The following ITK variants were observed in gnomAD, a reference collection of about 807,000 sequenced individuals.
ITK encodes the protein IL2 inducible T cell kinase, also known as tyrosine-protein kinase ITK/TSK.
In ITK, 45 loss-of-function variants were observed where a neutral mutation model predicts 87.6. The ratio of observed to expected loss-of-function variants is 0.51; its 90% CI spans 0.40 to 0.66. The LOEUF (loss-of-function observed/expected upper bound fraction) is 0.66. Among genes scored for constraint, ITK ranks in the 30% least tolerant of loss-of-function variants. The pLI, the probability that ITK is intolerant of heterozygous loss-of-function variation, is 0.00. For synonymous variants in ITK, 303 were observed against 273.6 expected (o/e 1.11, Z -1.06); for missense variants, 605 against 766.3 (o/e 0.79, Z 2.48).
intron 1 of ITK, chr5:157,199,803 G>A (rs1328010259): frequency 6.6e-6 from 1 of 152,166 alleles, no homozygotes; most frequent in Non-Finnish European, 1.5e-5. Context: ...TTCAAAAATA[G>A]TATCATTTTC....
intron 1 of ITK, among the ~76,000 whole-genome samples, chr5:157,193,157 G>A (rs556375922): frequency 2.6e-5 from 4 of 152,282 alleles, no homozygotes; most frequent in Admixed American, 1.3e-4. Context: ...GGAGTTTAAG[G>A]TTGCAGTGAG....
chr5:157,194,083 G>A (rs969201056), intron 1 of ITK, among the ~76,000 whole-genome samples: 10 of 152,126 alleles, frequency 6.6e-5, no homozygotes, highest in East Asian at 1.9e-4. Context: ...GCATGCCTTA[G>A]GACATAAGGA....
intron 1 of ITK, among the ~76,000 whole-genome samples, chr5:157,182,744 GT>G (rs1753562665): frequency 6.6e-6 from 1 of 152,090 alleles, no homozygotes; most frequent in Non-Finnish European, 1.5e-5. Flanking sequence ...CCATTTTGCA[GT>G]TTTCACCAGT....
intron 1 of ITK, among the ~76,000 whole-genome samples, chr5:157,202,936 C>T (rs1334583463): frequency 1.3e-5 from 2 of 152,158 alleles, no homozygotes; most frequent in Admixed American, 6.5e-5. Context: ...CCACTGTCTG[C>T]CCTCATCACA....
At chr5:157,195,138 G>GT (rs1428611910) in intron 1 of ITK, 2 of 152,154 alleles carry the variant, frequency 1.3e-5, no homozygotes, top group African/African-American at 4.8e-5. Context: ...AGGCCCCCAC[G>GT]TTCTGCCAGA....
chr5:157,247,052 T>C (rs964163265), intron 15 of ITK, among the ~76,000 whole-genome samples: 1 of 152,210 alleles, frequency 6.6e-6, no homozygotes, highest in Non-Finnish European at 1.5e-5. Flanking sequence ...AATTATACTG[T>C]GGACAGAAAC....
intron 12 of ITK, 69 bp downstream of exon 12, chr5:157,243,863 A>C: frequency 7.0e-7 from 1 of 1,434,886 alleles, no homozygotes; most frequent in Non-Finnish European, 9.8e-7. Context: ...TTGAAATGCC[A>C]TTCAAACGCC....
chr5:157,240,554 A>G (rs147903722), intron 10 of ITK: 6 of 343,362 alleles, frequency 1.7e-5, no homozygotes, highest in African/African-American at 1.1e-4. Flanking sequence ...ATTGCTATCA[A>G]GGAATACCTG....
intron 11 of ITK, 141 bp from the exon 12 acceptor site, chr5:157,243,482 G>A (rs2113774360): frequency 1.3e-6 from 1 of 760,350 alleles, no homozygotes; most frequent in Non-Finnish European, 2.4e-6. Context: ...TATTATGTGG[G>A]AAAAAGATAA....
At chr5:157,205,477 T>A (rs896364169) in intron 1 of ITK, among the ~76,000 whole-genome samples, 4 of 152,246 alleles carry the variant, frequency 2.6e-5, no homozygotes, top group African/African-American at 7.2e-5. Flanking sequence ...AAAACTTTTT[T>A]AAAAGACATT....
At chr5:157,248,706 A>G (rs1404276928) in intron 15 of ITK, 144 bp from the exon 16 acceptor site, 1 of 913,170 alleles carries the variant, frequency 1.1e-6, no homozygotes, top group Non-Finnish European at 1.8e-6. Flanking sequence ...GACAGGCCTA[A>G]TAAGCCTCAG....
chr5:157,211,195 C>A, intron 2 of ITK, 92 bp from the exon 3 acceptor site: 1 of 1,025,426 alleles, frequency 9.8e-7, no homozygotes, highest in Non-Finnish European at 1.5e-6. Context: ...ACGATAAACA[C>A]CCGAGACCCC....
intron 1 of ITK, among the ~76,000 whole-genome samples, chr5:157,198,498 T>C (rs1753895080): frequency 6.6e-6 from 1 of 152,126 alleles, no homozygotes. Context: ...GGGCCAGTGA[T>C]GAGTAAGAGG....
intron 1 of ITK, among the ~76,000 whole-genome samples, chr5:157,198,205 T>G (rs1162947475): frequency 6.6e-6 from 1 of 152,070 alleles, no homozygotes; most frequent in Non-Finnish European, 1.5e-5. Context: ...AGGTATCTGC[T>G]CTTCATAGTT....
In ITK at chr5:157,249,906, T is replaced by C. The variant is rs1056829713; in HGVS notation, c.1791+899T>C. ...TGGCTGACATTCAGTTGGCACTTTT[T>C]CCCTCTTTTAACCATCATTTATTGA... On this transcript the variant is annotated intron_variant, in intron 16 of 16. Coordinates refer to ENST00000422843, the MANE Select transcript of ITK (RefSeq NM_005546.4). Among the ~76,000 whole-genome samples, 86 of 152,326 alleles carry C rather than the reference T, an allele frequency of 5.6e-4. No individual in the cohort carries two copies. The Middle Eastern group carries it at 0.01, about 18-fold the overall frequency.
chr5:157,213,169 C>A (rs1754225961), intron 3 of ITK, among the ~76,000 whole-genome samples: 1 of 152,128 alleles, frequency 6.6e-6, no homozygotes, highest in South Asian at 2.1e-4. Flanking sequence ...GAGGCAATCA[C>A]CTTATTCACA....
intron 13 of ITK, 65 bp from the exon 14 acceptor site, chr5:157,245,661 C>A: frequency 7.9e-7 from 1 of 1,269,178 alleles, no homozygotes; most frequent in Non-Finnish European, 1.2e-6. Flanking sequence ...ATAGGAGACT[C>A]CTTAACTACT....
intron 1 of ITK, among the ~76,000 whole-genome samples, chr5:157,192,554 C>G (rs1438600104): frequency 2.0e-5 from 3 of 152,264 alleles, no homozygotes; most frequent in Admixed American, 6.5e-5. Context: ...ATTCTTTACT[C>G]TCTCTGGGAT....
chr5:157,251,361 G>A (rs1319698722), intron 16 of ITK, among the ~76,000 whole-genome samples: 1 of 152,094 alleles, frequency 6.6e-6, no homozygotes, highest in African/African-American at 2.4e-5. Context: ...TTTACTTATT[G>A]TTGAGTTTTA....
Sources: allele counts gnomAD v4.1 joint callset (sites outside exome capture counted in the v4.1 genomes callset), GRCh38; gene constraint gnomAD v4.1.1; transcripts MANE v1.5; gene names NCBI Gene and HGNC (gene_info 2026-07-23, HGNC 2026-07-21).